MTOR: variants seen among roughly 807,000 people sequenced by gnomAD.
MTOR encodes mechanistic target of rapamycin kinase.
MTOR carries 70 observed loss-of-function variants against 319.8 expected under a neutral mutation model. That is an observed-to-expected ratio of 0.22 (90% confidence interval 0.18 to 0.27). MTOR has a LOEUF of 0.27. Among genes scored for constraint, MTOR ranks in the 10% least tolerant of loss-of-function variants. MTOR has a pLI of 1.00. For synonymous variants in MTOR, 1,183 were observed against 1,211.4 expected, an observed-to-expected ratio of 0.98 and a Z score of 0.49; for missense variants, 1,890 against 3,274.4, an observed-to-expected ratio of 0.58 and a Z score of 10.32.
At chr1:11,137,111 G>C (rs890678794) in intron 36 of MTOR, among the ~76,000 whole-genome samples, 2 of 137,622 alleles carry the variant, frequency 1.5e-5, no homozygotes, top group Non-Finnish European at 3.0e-5. Context: ...CAAAGTGCTG[G>C]GATCATAGGC....
At chr1:11,163,444 C>T (rs1188714936) in intron 29 of MTOR, among the ~76,000 whole-genome samples, 1 of 152,236 alleles carries the variant, frequency 6.6e-6, no homozygotes, top group Non-Finnish European at 1.5e-5. Flanking sequence ...TAATACACAT[C>T]TACAGAACTC....
chr1:11,234,063 G>A, intron 14 of MTOR, 80 bp downstream of exon 14: 1 of 1,595,238 alleles, frequency 6.3e-7, no homozygotes, highest in Non-Finnish European at 8.6e-7. Context: ...GTGTACTAGT[G>A]AACACTGAAA....
At chr1:11,172,296 G>A (rs1480304114) in intron 28 of MTOR, among the ~76,000 whole-genome samples, 9 of 152,026 alleles carry the variant, frequency 5.9e-5, no homozygotes, top group Non-Finnish European at 1.0e-4. Flanking sequence ...GGTGGCTCAC[G>A]CCTGTAATCC....
chr1:11,253,758 A>AT (rs2100965952), intron 6 of MTOR, 81 bp downstream of exon 6: 1 of 1,502,274 alleles, frequency 6.7e-7, no homozygotes, highest in East Asian at 2.3e-5. Context: ...TGTCAGCTCC[A>AT]TGAGGACATG....
At chr1:11,227,818 T>A (rs1485957724) in intron 19 of MTOR, among the ~76,000 whole-genome samples, 1 of 152,122 alleles carries the variant, frequency 6.6e-6, no homozygotes, top group Non-Finnish European at 1.5e-5. Context: ...GATGCTAAAA[T>A]CACCGGATGG....
At chr1:11,228,010 TAAG>T (rs1293331636) in intron 19 of MTOR, among the ~76,000 whole-genome samples, 8 of 152,202 alleles carry the variant, frequency 5.3e-5, no homozygotes, top group South Asian at 4.1e-4. Context: ...TGAGATCCAG[TAAG>T]AAGCATTCAA....
Position 11,133,268 on chromosome 1 carries a change from G to T in MTOR, c.5247-71C>A, listed in dbSNP as rs1643248150. The T allele has an allele frequency of 7.7e-7, 1 of 1,294,398 alleles. No individual in the cohort carries two copies. Among genetic ancestry groups the T allele is most frequent in the East Asian group, 2.3e-5 (1 of 43,316 alleles). The allele number at this position is 1,294,398 out of a possible 1,614,324, so 80.2% of individuals were successfully genotyped here. On this transcript the variant is annotated intron_variant, in intron 37 of 57. Coordinates refer to ENST00000361445, the MANE Select transcript of MTOR (RefSeq NM_004958.4). The surrounding 1 kb of genome is among the most constrained non-coding windows in gnomAD (Gnocchi z 4.0). Reference sequence around the variant, plus strand: ...AGCCCTCCTAAGAGGACCACAAATTGTTAGGGGACACTGAAGCCCTTCTGG... The same window carrying T: ...AGCCCTCCTAAGAGGACCACAAATTTTTAGGGGACACTGAAGCCCTTCTGG...
intron 28 of MTOR, 76 bp from the exon 29 acceptor site, chr1:11,167,593 G>C: frequency 1.8e-6 from 2 of 1,119,318 alleles, no homozygotes; most frequent in South Asian, 2.5e-5. Flanking sequence ...TTTGTGGGCA[G>C]ATGGTTCACC....
chr1:11,250,595 T>C (rs1171266758), intron 6 of MTOR, among the ~76,000 whole-genome samples: 1 of 132,618 alleles, frequency 7.5e-6, no homozygotes, highest in African/African-American at 2.5e-5. Flanking sequence ...AGACTCCATC[T>C]CTTCTCCAAC....
chr1:11,239,261 T>C (rs1194046417), intron 11 of MTOR, among the ~76,000 whole-genome samples: 1 of 152,194 alleles, frequency 6.6e-6, no homozygotes, highest in East Asian at 1.9e-4. Context: ...GATAATACAA[T>C]TCTTGATCAA....
At chr1:11,246,700 C>T (rs1648879229) in intron 8 of MTOR, among the ~76,000 whole-genome samples, 1 of 152,172 alleles carries the variant, frequency 6.6e-6, no homozygotes, top group Non-Finnish European at 1.5e-5. Context: ...TCAATGGGTC[C>T]TGAATGCTTC....
chr1:11,241,626 C>A lies in MTOR; in HGVS notation c.1468G>T (p.Ala490Ser), dbSNP rs1648044963. 2.5e-6 allele frequency: 4 copies of A among 1,614,072 alleles called. No individual in the cohort carries two copies. The East Asian group carries it at 8.9e-5, about 36-fold the overall frequency. The change falls in exon 10 of 58, where the codon GCT becomes TCT. Residue 490 changes from alanine to serine, a missense_variant. This residue lies in a region of MTOR where 418 missense variants were observed against 543.1 expected (regional missense o/e 0.77). Coordinates refer to ENST00000361445, the MANE Select transcript of MTOR (RefSeq NM_004958.4). ...TGGATGCCTGGCCCCATTGCTCGAG[C>A]CAGCATGCTGATGCAAGTGAAGACT... The part of the protein sequence containing the change: ...ATVFTCISML[A>S]RAMGPGIQQD...
rs781449273 is a variant in MTOR at position 11,139,284 on chromosome 1, G to A, written c.5130+20C>T. On this transcript the variant is annotated intron_variant, in intron 36 of 57. Transcript: ENST00000361445. ...CATTCTGGAGAAGGTGGTCTGTTCT[G>A]GATGCATTGGGATACAGACCTTGCG... 6.3e-7 allele frequency: 1 copy of A among 1,592,606 alleles called. No homozygotes were observed. The highest frequency in any genetic ancestry group is 8.5e-7 in the Non-Finnish European group (1 of 1,174,128).
chr1:11,261,222 T>C (rs1449091398), intron 1 of MTOR, among the ~76,000 whole-genome samples: 5 of 151,196 alleles, frequency 3.3e-5, no homozygotes, highest in African/African-American at 1.2e-4. Context: ...CTGGCCGGGT[T>C]TGGGAGGCCG....
rs1171975545 is a variant in MTOR, at chr1:11,199,637, G to A, written c.4011C>T (p.Leu1337=). ...SELNEDQQDE[L]IRSIELALTS... ...TGAGGGCCAACTCGATGCTTCTGAT[G>A]AGCTCATCCTGTTGATCTTCATTCA... The change falls in exon 27 of 58, where the codon CTC becomes CTT. Residue 1337 remains leucine (L), a synonymous_variant. Coordinates refer to ENST00000361445, the MANE Select transcript of MTOR (RefSeq NM_004958.4). This position sits in a 1 kb window ranked among gnomAD's most constrained non-coding sequence, Gnocchi z 4.5. 21 of 1,614,172 alleles carry A rather than the reference G, an allele frequency of 1.3e-5. No individual in the cohort carries two copies. Among genetic ancestry groups the A allele is most frequent in the Non-Finnish European group, 1.8e-5 (21 of 1,180,020 alleles).
At chr1:11,262,223 G>T (rs952423206) in intron 1 of MTOR, among the ~76,000 whole-genome samples, 1 of 152,244 alleles carries the variant, frequency 6.6e-6, no homozygotes, top group African/African-American at 2.4e-5. Flanking sequence ...CGGACGTACC[G>T]CGGGCCGAAG....
chr1:11,124,762 G>A (rs1281305405), intron 46 of MTOR, 129 bp from the exon 47 acceptor site: 4 of 1,032,962 alleles, frequency 3.9e-6, no homozygotes, highest in Non-Finnish European at 4.0e-6. Flanking sequence ...CTCACAAAAA[G>A]AAAAAACAAT....
chr1:11,156,217 T>C (rs1431356560), intron 30 of MTOR, among the ~76,000 whole-genome samples: 2 of 152,222 alleles, frequency 1.3e-5, no homozygotes, highest in Non-Finnish European at 2.9e-5. Flanking sequence ...CTCAAACTCC[T>C]GACTTCAAAT....
In MTOR at chr1:11,108,390, A is replaced by G. The variant is rs1641681168; in HGVS notation, c.7529-104T>C. On this transcript the variant is annotated intron_variant, in intron 56 of 57. Coordinates refer to ENST00000361445, the MANE Select transcript of MTOR (RefSeq NM_004958.4). ...CTATGCCAACAGCTTATCGTCAGAC[A>G]TGAAGATGAAGGATACCATCATAGT... 11 of 895,466 alleles carry G rather than the reference A, an allele frequency of 1.2e-5. No homozygotes were observed. In the South Asian group the frequency reaches 1.6e-4, roughly 13 times the overall value. The allele number at this position is 895,466 out of a possible 1,614,324, so 55.5% of individuals were successfully genotyped here.
Sources: gnomAD v4.1 joint callset for allele counts (sites outside exome capture counted in the v4.1 genomes callset) on GRCh38, gnomAD v4.1.1 for gene constraint, gnomAD v4.1.1 regional missense constraint, Gnocchi (gnomAD v3.1) non-coding constraint, MANE v1.5 for transcripts, NCBI Gene and HGNC (gene_info 2026-07-23, HGNC 2026-07-21) for gene names.